TBCK: variants seen among roughly 807,000 people sequenced by gnomAD.
TBCK encodes TBC domain-containing protein kinase-like protein.
In TBCK, 99 loss-of-function variants were observed where a neutral mutation model predicts 113.4. The ratio of observed to expected loss-of-function variants is 0.87; its 90% CI spans 0.74 to 1.03. TBCK has a LOEUF of 1.03. Ranked by LOEUF, TBCK falls within the 50% of genes least tolerant of loss-of-function variation. The pLI, the probability that TBCK is intolerant of heterozygous loss-of-function variation, is 0.00. For missense variants in TBCK, 1,045 were observed against 1,061.3 expected, an observed-to-expected ratio of 0.98 and a Z score of 0.21; for synonymous variants, 369 against 370.8, an observed-to-expected ratio of 1.00 and a Z score of 0.05.
rs1328234615 is a variant in TBCK, at chr4:106,219,100, C to T, written c.1775-6265G>A. Among the ~76,000 whole-genome samples the T allele has an allele frequency of 4.7e-5, 7 of 150,336 alleles. No homozygotes were observed. The East Asian group carries it at 1.4e-3, about 30-fold the overall frequency. On this transcript the variant is annotated intron_variant, in intron 19 of 25. Coordinates refer to ENST00000394708, the MANE Select transcript of TBCK (RefSeq NM_001163435.3). ...ATGGATGAAATTGGAAATCATCATT[C>T]TCAGTAAACTATCACAAGAACAAAA...
intron 17 of TBCK, 49 bp downstream of exon 17, chr4:106,232,889 C>G: frequency 6.4e-7 from 1 of 1,554,916 alleles, no homozygotes. Flanking sequence ...GTCAGTTATG[C>G]AACAATTTTC....
At chr4:106,088,049 A>C (rs1470103186) in intron 25 of TBCK, among the ~76,000 whole-genome samples, 1 of 152,248 alleles carries the variant, frequency 6.6e-6, no homozygotes, top group Non-Finnish European at 1.5e-5. Context: ...ATGGGCAAAG[A>C]CTTCATGACA....
intron 24 of TBCK, among the ~76,000 whole-genome samples, chr4:106,100,113 T>C (rs1314215983): frequency 1.3e-5 from 2 of 152,190 alleles, no homozygotes; most frequent in Admixed American, 1.3e-4. Context: ...AAGTTTCCCT[T>C]CCCACAGTAT....
chr4:106,312,391 C>G (rs904988675), intron 1 of TBCK, among the ~76,000 whole-genome samples: 1 of 152,028 alleles, frequency 6.6e-6, no homozygotes, highest in Non-Finnish European at 1.5e-5. Context: ...GGGGGAAATG[C>G]AAATGAAAAT....
chr4:106,266,535 T>A (rs189768386), intron 3 of TBCK, among the ~76,000 whole-genome samples: 10 of 152,034 alleles, frequency 6.6e-5, no homozygotes, highest in Admixed American at 5.9e-4. Context: ...AATTGTGAGC[T>A]ATTAGACATT....
intron 25 of TBCK, among the ~76,000 whole-genome samples, chr4:106,084,764 G>C (rs889920998): frequency 6.6e-6 from 1 of 152,200 alleles, no homozygotes; most frequent in Non-Finnish European, 1.5e-5. Context: ...CTACAAGCCA[G>C]AAGAGACTGG....
intron 19 of TBCK, among the ~76,000 whole-genome samples, chr4:106,226,392 T>C (rs1054912221): frequency 2.0e-5 from 3 of 152,226 alleles, no homozygotes; most frequent in Non-Finnish European, 4.4e-5. Flanking sequence ...GGTGGCCATC[T>C]AGCCAGGTAT....
rs764130372 is a variant in TBCK at position 106,236,770 on chromosome 4, T to C, written c.1209A>G (p.Leu403=). The C allele has an allele frequency of 2.6e-6, 4 of 1,511,392 alleles. No individual in the cohort carries two copies. The highest frequency in any genetic ancestry group is 2.4e-5 in the East Asian group (1 of 40,954). The allele number at this position is 1,511,392 out of a possible 1,614,324, so 93.6% of individuals were successfully genotyped here. A position where few individuals can be genotyped will look rare whatever the true frequency, so the allele number is the denominator to read the frequency against. Residue 403 remains leucine, a synonymous_variant, in exon 13 of 26, where the codon TTA becomes TTG. Coordinates refer to ENST00000394708, the MANE Select transcript of TBCK (RefSeq NM_001163435.3). ...KDVGGEAFYP[L]LEDDQSNLPH... is the part of the protein sequence containing the mutation. ...CTACATATACTCACTCATCTTCAAG[T>C]AATGGGTAAAATGCTTCTCCACCAA...
intron 23 of TBCK, among the ~76,000 whole-genome samples, chr4:106,126,652 T>A (rs1745246440): frequency 6.6e-6 from 1 of 152,166 alleles, no homozygotes; most frequent in African/African-American, 2.4e-5. Context: ...GATGAATGAA[T>A]GAATGAGTGA....
At chr4:106,186,345 C>T (rs1419265206) in intron 22 of TBCK, among the ~76,000 whole-genome samples, 6 of 152,230 alleles carry the variant, frequency 3.9e-5, no homozygotes, top group East Asian at 3.9e-4. Context: ...TTTACATTCC[C>T]GCAGGCAGTG....
intron 25 of TBCK, among the ~76,000 whole-genome samples, chr4:106,049,586 T>C (rs1474015116): frequency 2.0e-5 from 3 of 151,998 alleles, no homozygotes; most frequent in Non-Finnish European, 1.5e-5. Flanking sequence ...GGAGAAGATA[T>C]ACAGTGGGAC....
At position 106,308,999 on chromosome 4, in the gene TBCK, G is replaced by A. The variant is rs1767863104; in HGVS notation, c.-29-10C>T. On this transcript the variant is annotated splice_polypyrimidine_tract_variant and intron_variant, in intron 1 of 25. Transcript: ENST00000394708. ...GGTCTTCTAAGATAATCTGGAAAAG[G>A]AGAGAATTTTAGGACAGACCAAACA... is the stretch of plus-strand genomic sequence containing the variant. The A allele has an allele frequency of 1.9e-6, 3 of 1,565,206 alleles. No individual in the cohort carries two copies. Among genetic ancestry groups the A allele is most frequent in the Non-Finnish European group, 2.6e-6 (3 of 1,152,094 alleles).
intron 19 of TBCK, among the ~76,000 whole-genome samples, chr4:106,230,102 G>A (rs909614897): frequency 6.6e-6 from 1 of 151,894 alleles, no homozygotes; most frequent in Non-Finnish European, 1.5e-5. Flanking sequence ...AACACAAACG[G>A]CAGTCTCTTA....
chr4:106,223,111 C>T (rs1757883550), intron 19 of TBCK, among the ~76,000 whole-genome samples: 1 of 152,054 alleles, frequency 6.6e-6, no homozygotes, highest in South Asian at 2.1e-4. Flanking sequence ...ACTGTATATA[C>T]TACAATCTCC....
intron 2 of TBCK, 85 bp downstream of exon 2, chr4:106,308,683 C>A (rs1035449935): frequency 1.9e-5 from 24 of 1,270,906 alleles, no homozygotes; most frequent in Admixed American, 2.2e-5. Context: ...CTGATGATAG[C>A]TTTATATATT....
chr4:106,194,938 C>T (rs1366494274), intron 20 of TBCK, among the ~76,000 whole-genome samples, 184 bp from the exon 21 acceptor site: 1 of 152,002 alleles, frequency 6.6e-6, no homozygotes, highest in Non-Finnish European at 1.5e-5. Flanking sequence ...GTTTTAAGTT[C>T]GGCCTAAAGA....
At chr4:106,155,826 C>G (rs985784112) in intron 23 of TBCK, among the ~76,000 whole-genome samples, 1 of 152,056 alleles carries the variant, frequency 6.6e-6, no homozygotes, top group African/African-American at 2.4e-5. Context: ...CCTAAAACAG[C>G]TAGTTTGAAT....
At chr4:106,255,900 C>G (rs1761933961) in intron 5 of TBCK, among the ~76,000 whole-genome samples, 2 of 152,254 alleles carry the variant, frequency 1.3e-5, no homozygotes, top group Middle Eastern at 3.4e-3. Context: ...TCTCCACTGG[C>G]AGGGTGTCCC....
At chr4:106,206,131 T>C (rs537896964) in intron 20 of TBCK, among the ~76,000 whole-genome samples, 3 of 152,168 alleles carry the variant, frequency 2.0e-5, no homozygotes, top group African/African-American at 4.8e-5. Flanking sequence ...TTTCAGAATA[T>C]AAAGGGGTTC....
Sources: gnomAD v4.1 joint callset for allele counts (sites outside exome capture counted in the v4.1 genomes callset) on GRCh38, gnomAD v4.1.1 for gene constraint, MANE v1.5 for transcripts, NCBI Gene and HGNC (gene_info 2026-07-23, HGNC 2026-07-21) for gene names.